Variants in AIFM3 observed in about 807,000 individuals in gnomAD.
The protein encoded by AIFM3 is AIF family member 3.
AIFM3 carries 71 observed loss-of-function variants against 82.7 expected under a neutral mutation model. The observed-to-expected ratio is 0.86, with a 90% CI of 0.71 to 1.05. The LOEUF (loss-of-function observed/expected upper bound fraction) is 1.05. AIFM3 is among the 50% of genes least tolerant of loss of function. The probability of loss-of-function intolerance (pLI) is 0.00; values close to 1 mark genes in which losing one functional copy is unlikely to be tolerated. For missense variants in AIFM3, 748 were observed against 816.7 expected, an observed-to-expected ratio of 0.92 and a Z score of 1.03; for synonymous variants, 337 against 329.1, an observed-to-expected ratio of 1.02 and a Z score of -0.26.
At chr22:20,969,883 A>G (rs1180882355) in intron 2 of AIFM3, among the ~76,000 whole-genome samples, 1 of 151,956 alleles carries the variant, frequency 6.6e-6, no homozygotes, top group East Asian at 1.9e-4. Context: ...AGGGGCCACA[A>G]AGAGACTAGA....
chr22:20,974,009 T>A, intron 4 of AIFM3, 54 bp from the exon 5 acceptor site: 4 of 1,543,644 alleles, frequency 2.6e-6, no homozygotes, highest in Non-Finnish European at 3.5e-6. Context: ...GGCACTGAGA[T>A]CCTTGGGAAG....
chr22:20,967,078 GC>G (rs1922932227), upstream of AIFM3: 1 of 152,630 alleles, frequency 6.6e-6, no homozygotes. Context: ...GCCCGGGCTG[GC>G]CGCCCACTTC....
At chr22:20,978,878 G>T (rs1216963392) in intron 16 of AIFM3, among the ~76,000 whole-genome samples, 2 of 151,920 alleles carry the variant, frequency 1.3e-5, no homozygotes, top group Non-Finnish European at 2.9e-5. Context: ...GTCTCTTTGG[G>T]GCCTTGTGTG....
At chr22:20,976,790 G>A in intron 12 of AIFM3, 24 bp downstream of exon 12, 1 of 1,606,264 alleles carries the variant, frequency 6.2e-7, no homozygotes, top group African/African-American at 1.3e-5. Context: ...AGCACCCAGT[G>A]CCTTGGAGCC....
upstream of AIFM3, among the ~76,000 whole-genome samples, chr22:20,965,976 G>T (rs1922860969): frequency 6.6e-6 from 1 of 152,164 alleles, no homozygotes; most frequent in Non-Finnish European, 1.5e-5. Flanking sequence ...TGCACTCTGG[G>T]GGTCCCTCCT....
intron 16 of AIFM3, among the ~76,000 whole-genome samples, chr22:20,978,539 C>G (rs1260900658): frequency 2.0e-5 from 3 of 152,014 alleles, no homozygotes; most frequent in Non-Finnish European, 4.4e-5. Context: ...GGTCTGGGCC[C>G]CTAAGCTGCA....
intron 2 of AIFM3, among the ~76,000 whole-genome samples, chr22:20,968,660 C>CT (rs1205986784): frequency 2.6e-5 from 4 of 152,078 alleles, no homozygotes; most frequent in Non-Finnish European, 5.9e-5. Flanking sequence ...TCCCTCTGGC[C>CT]CCCCACTTTC....
chr22:20,980,994 C>A lies in AIFM3; in HGVS notation c.1781C>A (p.Thr594Asn), dbSNP rs1233860092. 13 of 1,614,104 alleles carry A rather than the reference C, an allele frequency of 8.1e-6. No individual in the cohort carries two copies. Among genetic ancestry groups the A allele is most frequent in the Admixed American group, 3.3e-5 (2 of 60,006 alleles). ...EVELFVLHSK[T>N]GDMSWLTGKG... ...CCCTCCTCCCCTCACTCCTGCAGGA[C>A]TGGCGACATGTCCTGGCTTACGGGG... The change falls in exon 21 of 21, where the codon ACT becomes AAT. Residue 594 changes from threonine (T) to asparagine (N), a missense_variant and splice_region_variant. By Grantham distance (65) the Thr-to-Asn change is moderately conservative (BLOSUM62 0). Transcript: ENST00000440238.
upstream of AIFM3, among the ~76,000 whole-genome samples, chr22:20,966,202 G>C (rs1050237945): frequency 2.0e-5 from 3 of 152,174 alleles, no homozygotes; most frequent in Non-Finnish European, 4.4e-5. Flanking sequence ...GGGATCTGTG[G>C]CCCATCAGGT....
Position 20,972,402 on chromosome 22 carries a change from C to CA in AIFM3, c.32-889dup, listed in dbSNP as rs58947717. 4.8e-3 allele frequency among the ~76,000 whole-genome samples: 608 copies of CA among 125,688 alleles called. 7 individuals carry two copies. The highest frequency in any genetic ancestry group is 0.019 in the South Asian group (77 of 3,968). The allele number at this position is 125,688 out of a possible 152,430, so 82.5% of individuals were successfully genotyped here. On this transcript the variant is annotated intron_variant, in intron 2 of 20. Transcript: ENST00000440238. ...GGGCAACAACAGCGAAACTCCATCTCAAAAAAAAAAAAAAAAGAAGAAGTT... is the reference window on the plus strand; with the variant it reads ...GGGCAACAACAGCGAAACTCCATCTCAAAAAAAAAAAAAAAAAGAAGAAGTT...
rs534564428 is a variant in AIFM3 at position 20,980,741 on chromosome 22, G to A, written c.1758-6G>A. On this transcript the variant is annotated splice_polypyrimidine_tract_variant and splice_region_variant and intron_variant, in intron 19 of 20. Coordinates refer to ENST00000440238, the MANE Select transcript of AIFM3 (RefSeq NM_001386814.1). ...CTCTCCGTTTCTCTCTCTTGCCTTC[G>A]TGAAGGCTGTTTGTGCTGCACAGCA... 7.4e-6 allele frequency: 12 copies of A among 1,614,138 alleles called. No homozygotes were observed. The African/African-American group carries it at 9.3e-5, about 13-fold the overall frequency.
At chr22:20,972,298 A>G (rs1721462385) in intron 2 of AIFM3, among the ~76,000 whole-genome samples, 2 of 151,798 alleles carry the variant, frequency 1.3e-5, no homozygotes, top group South Asian at 2.1e-4. Context: ...GCTGCTCAAG[A>G]GGTTGAGGCA....
intron 8 of AIFM3, 80 bp from the exon 9 acceptor site, chr22:20,975,612 C>A: frequency 7.1e-7 from 1 of 1,403,996 alleles, no homozygotes; most frequent in Non-Finnish European, 1.0e-6. Context: ...CCCTATGTGA[C>A]TGGGGCTGGC....
chr22:20,970,552 C>T (rs1923205443), intron 2 of AIFM3, among the ~76,000 whole-genome samples: 1 of 152,168 alleles, frequency 6.6e-6, no homozygotes, highest in African/African-American at 2.4e-5. Context: ...CCTCCGCCTC[C>T]CAGGTTCAAG....
intron 8 of AIFM3, 41 bp from the exon 9 acceptor site, chr22:20,975,651 T>C (rs1923592790): frequency 1.9e-6 from 3 of 1,602,650 alleles, no homozygotes; most frequent in African/African-American, 1.3e-5. Context: ...CAGTGTCTTC[T>C]GCTGTAAACT....
chr22:20,978,966 T>A (rs1046683926), intron 16 of AIFM3, among the ~76,000 whole-genome samples: 1 of 152,060 alleles, frequency 6.6e-6, no homozygotes, highest in Non-Finnish European at 1.5e-5. Flanking sequence ...TGATTAGGTG[T>A]CTGTGTGCAC....
Position 20,974,297 on chromosome 22 carries a change from G to A in AIFM3, c.510+1G>A. On this transcript the variant is annotated splice_donor_variant, in intron 6 of 20. Coordinates refer to ENST00000440238, the MANE Select transcript of AIFM3 (RefSeq NM_001386814.1). LOFTEE classifies it high-confidence loss of function. ...GGTGTACGTCCGGGCCAGCAAGCAG[G>A]TGAGGGGATAGCTCGGGGCTCAGGC... is the stretch of plus-strand genomic sequence containing the variant. 1 of 1,613,598 alleles carries A rather than the reference G, an allele frequency of 6.2e-7. No homozygotes were observed. Among genetic ancestry groups the A allele is most frequent in the South Asian group, 1.1e-5 (1 of 91,010 alleles).
In AIFM3 at chr22:20,974,093, C is replaced by A. The variant is rs763410536; in HGVS notation, c.386C>A (p.Pro129His). The A allele has an allele frequency of 1.2e-6, 2 of 1,612,160 alleles. No individual in the cohort carries two copies. Among genetic ancestry groups the A allele is most frequent in the African/African-American group, 1.3e-5 (1 of 75,044 alleles). Reference protein sequence around the residue: ...GVLSRGRVRCPWHGACFNIST... With the variant: ...GVLSRGRVRCHWHGACFNIST... ...CTGTCCCGTGGTCGGGTGCGCTGCCCCTGGCACGGCGCCTGCTTCAACATC... is the reference window on the plus strand; with the variant it reads ...CTGTCCCGTGGTCGGGTGCGCTGCCACTGGCACGGCGCCTGCTTCAACATC... The change falls in exon 5 of 21, where the codon CCC becomes CAC. Residue 129 changes from proline to histidine, a missense_variant. Coordinates refer to ENST00000440238, the MANE Select transcript of AIFM3 (RefSeq NM_001386814.1).
chr22:20,980,166 C>T (rs766365952), intron 19 of AIFM3, 42 bp downstream of exon 19: 1 of 1,575,020 alleles, frequency 6.3e-7, no homozygotes, highest in Non-Finnish European at 8.6e-7. Context: ...GAGTAGTTCC[C>T]TGGAGTACTG....
Sources: allele counts gnomAD v4.1 joint callset (sites outside exome capture counted in the v4.1 genomes callset), GRCh38; gene constraint gnomAD v4.1.1; transcripts MANE v1.5; gene names NCBI Gene and HGNC (gene_info 2026-07-23, HGNC 2026-07-21).